Variants in TRRAP observed in about 807,000 individuals in gnomAD.
TRRAP encodes the protein transformation/transcription domain-associated protein.
In TRRAP, 41 loss-of-function variants were observed where a neutral mutation model predicts 438.8. The observed-to-expected ratio is 0.09, with a 90% CI of 0.07 to 0.12. The LOEUF (loss-of-function observed/expected upper bound fraction) is 0.12. TRRAP is among the 10% of genes least tolerant of loss of function. TRRAP has a pLI of 1.00. For missense variants in TRRAP, 3,122 were observed against 5,055.1 expected (o/e 0.62, Z 11.60); for synonymous variants, 1,994 against 1,962.9 (o/e 1.02, Z -0.42).
At position 98,970,139 on chromosome 7, in the gene TRRAP, A is replaced by C. The variant is rs1584376018; in HGVS notation, c.7540A>C (p.Thr2514Pro). Reference protein sequence around the residue: ...ELLLAVCEKSTPIGTSCQGAM... With the variant: ...ELLLAVCEKSPPIGTSCQGAM... ...GCTTCTGGCCGTGTGTGAGAAGAGC[A>C]CCCCCATTGGCACCAGCTGCCAAGG... Residue 2514 changes from threonine to proline, a missense_variant, in exon 52 of 73, where the codon ACC becomes CCC. By Grantham distance (38) the Thr-to-Pro change is conservative. This residue lies in a region of TRRAP where 992 missense variants were observed against 1,281.2 expected (regional missense o/e 0.77). Coordinates refer to ENST00000456197, the MANE Select transcript of TRRAP (RefSeq NM_001375524.1). 6.2e-7 allele frequency: 1 copy of C among 1,613,416 alleles called. No homozygotes were observed. Among genetic ancestry groups the C allele is most frequent in the Non-Finnish European group, 8.5e-7 (1 of 1,179,910 alleles).
Position 98,917,568 on chromosome 7 carries a change from G to A in TRRAP, c.2511G>A (p.Gly837=). The A allele has an allele frequency of 1.2e-6, 2 of 1,614,196 alleles. No individual in the cohort carries two copies. Among genetic ancestry groups the A allele is most frequent in the Middle Eastern group, 1.6e-4 (1 of 6,062 alleles). ...ATCCCTTGGTGTCTGCACTCAATGG[G>A]TCTCAGACATTGGTCAGCCAAGGCC... ...LMDPLVSALN[G]SQTLVSQGLR... Residue 837 remains glycine, a synonymous_variant, in exon 20 of 73, where the codon GGG becomes GGA. Coordinates refer to ENST00000456197, the MANE Select transcript of TRRAP (RefSeq NM_001375524.1).
chr7:98,981,753 G>A lies in TRRAP; in HGVS notation c.8635-16G>A, dbSNP rs768914658. 13 of 1,592,808 alleles carry A rather than the reference G, an allele frequency of 8.2e-6. No individual in the cohort carries two copies. The highest frequency in any genetic ancestry group is 2.3e-5 in the South Asian group (2 of 87,146). ...GAAGGCCCCTCACGTCCTGTGTCACGTTCTTTCACTGCCAGGTGGAAGTGA... is the reference window on the plus strand; with the variant it reads ...GAAGGCCCCTCACGTCCTGTGTCACATTCTTTCACTGCCAGGTGGAAGTGA... On this transcript the variant is annotated splice_polypyrimidine_tract_variant and intron_variant, in intron 58 of 72. Coordinates refer to ENST00000456197, the MANE Select transcript of TRRAP (RefSeq NM_001375524.1).
At chr7:98,959,046 A>G (rs1223364967) in intron 44 of TRRAP, among the ~76,000 whole-genome samples, 1 of 152,168 alleles carries the variant, frequency 6.6e-6, no homozygotes, top group African/African-American at 2.4e-5. Context: ...CCTAACCAGT[A>G]GATAATTCCT....
chr7:98,908,743 C>T lies in TRRAP; in HGVS notation c.1131C>T (p.Ser377=). The change falls in exon 14 of 73, where the codon AGC becomes AGT. Residue 377 remains serine, a synonymous_variant. Transcript: ENST00000456197. The surrounding 1 kb of genome is among the most constrained non-coding windows in gnomAD (Gnocchi z 4.1). ...CTGCCCGCAGGCCCCTCGCCTACAG[C>T]ACGCTGGCCGACCTCGTGCACCATG... ...ARETLRPLAY[S]TLADLVHHVR... 1 of 1,553,536 alleles carries T rather than the reference C, an allele frequency of 6.4e-7. No individual in the cohort carries two copies. The highest frequency in any genetic ancestry group is 8.7e-7 in the Non-Finnish European group (1 of 1,149,972).
Position 99,005,225 on chromosome 7 carries a change from G to A in TRRAP, c.10630G>A (p.Val3544Ile). The A allele has an allele frequency of 4.3e-6, 7 of 1,614,166 alleles. No homozygotes were observed. The highest frequency in any genetic ancestry group is 5.9e-6 in the Non-Finnish European group (7 of 1,180,054). ...CAATGGCAAGATCTACCCATACCTCGTCATGAACGACGCCTGCCTCACAGA... is the reference window on the plus strand; with the variant it reads ...CAATGGCAAGATCTACCCATACCTCATCATGAACGACGCCTGCCTCACAGA... ...GHNGKIYPYLVMNDACLTESR... is the reference protein window; with the variant it reads ...GHNGKIYPYLIMNDACLTESR... Residue 3544 changes from valine to isoleucine, a missense_variant, in exon 69 of 73, where the codon GTC becomes ATC. Coordinates refer to ENST00000456197, the MANE Select transcript of TRRAP (RefSeq NM_001375524.1). The surrounding 1 kb of genome is among the most constrained non-coding windows in gnomAD (Gnocchi z 5.1).
At chr7:98,950,377 C>A in intron 38 of TRRAP, 115 bp downstream of exon 38, 3 of 1,234,054 alleles carry the variant, frequency 2.4e-6, no homozygotes, top group Non-Finnish European at 3.4e-6. Context: ...GTAGAGTGAG[C>A]CAGGTGCTGT....
intron 57 of TRRAP, 75 bp downstream of exon 57, chr7:98,978,398 G>A: frequency 7.6e-7 from 1 of 1,319,474 alleles, no homozygotes; most frequent in Non-Finnish European, 1.1e-6. Context: ...ACCTTTTCTT[G>A]TAATGAGCGT....
rs1264071582 is a variant in TRRAP, at chr7:98,983,311, A to G, written c.8874A>G (p.Ala2958=). The G allele has an allele frequency of 1.2e-6, 2 of 1,614,042 alleles. No individual in the cohort carries two copies. The highest frequency in any genetic ancestry group is 1.7e-6 in the Non-Finnish European group (2 of 1,180,012). ...IELQEAAQIN[A]GLQPTNLGRN... ...TCCAGGAAGCTGCACAAATCAACGC[A>G]GGCTTACAGCCAACCAACCTGGGAA... Residue 2958 remains alanine (A), a synonymous_variant, in exon 60 of 73, where the codon GCA becomes GCG. Transcript: ENST00000456197.
At chr7:98,895,585 A>G (rs1796160662) in intron 6 of TRRAP, among the ~76,000 whole-genome samples, 179 bp from the exon 7 acceptor site, 1 of 152,018 alleles carries the variant, frequency 6.6e-6, no homozygotes, top group South Asian at 2.1e-4. Context: ...TCAGTCCTTT[A>G]TATTTACTTA....
intron 19 of TRRAP, among the ~76,000 whole-genome samples, chr7:98,916,288 G>A (rs142397616): frequency 8.5e-5 from 13 of 152,358 alleles, no homozygotes; most frequent in African/African-American, 2.9e-4. Context: ...AGTTGAGACA[G>A]AGTTGACTTA....
intron 4 of TRRAP, among the ~76,000 whole-genome samples, chr7:98,890,661 A>T (rs534008247): frequency 6.6e-6 from 1 of 152,112 alleles, no homozygotes; most frequent in Non-Finnish European, 1.5e-5. Context: ...ACATTTGCCA[A>T]CTGATGACAT....
chr7:98,918,586 G>C (rs1331414076), intron 20 of TRRAP, among the ~76,000 whole-genome samples: 1 of 151,870 alleles, frequency 6.6e-6, no homozygotes, highest in South Asian at 2.1e-4. Flanking sequence ...GTTACTATAC[G>C]GCCACCATTG....
In TRRAP at chr7:99,008,579, C is replaced by T; in HGVS notation, c.10938+18C>T. On this transcript the variant is annotated intron_variant, in intron 70 of 72. Transcript: ENST00000456197. ...GCCACCAGGTAGCAGTGGGGCCGGG[C>T]CGGGGGCCGAGCTGCCGCCTGCAGC... 1 of 1,610,986 alleles carries T rather than the reference C, an allele frequency of 6.2e-7. No individual in the cohort carries two copies.
In TRRAP at chr7:98,899,356, G is replaced by A. The variant is rs181630631; in HGVS notation, c.634-66G>A. 2.3e-5 allele frequency: 31 copies of A among 1,332,582 alleles called. No homozygotes were observed. In the East Asian group the frequency reaches 6.9e-4, roughly 30 times the overall value. The allele number at this position is 1,332,582 out of a possible 1,614,324, so 82.5% of individuals were successfully genotyped here. On this transcript the variant is annotated intron_variant, in intron 8 of 72. Coordinates refer to ENST00000456197, the MANE Select transcript of TRRAP (RefSeq NM_001375524.1). ...TCTTTCAGTGGGTGATGCTCAGTGG[G>A]CACTGGTGGGGGCTATTTTAAATGC...
At chr7:99,008,074 G>T (rs1433684740) in intron 69 of TRRAP, among the ~76,000 whole-genome samples, 4 of 151,242 alleles carry the variant, frequency 2.6e-5, no homozygotes, top group African/African-American at 4.9e-5. Flanking sequence ...TCCGCCCACT[G>T]TGGCCTCCCA....
At chr7:98,900,548 A>G (rs1796427204) in intron 10 of TRRAP, 76 bp from the exon 11 acceptor site, 2 of 1,267,044 alleles carry the variant, frequency 1.6e-6, no homozygotes, top group African/African-American at 3.0e-5. Context: ...TGGGTTTAGT[A>G]ATGGTTACAG....
intron 14 of TRRAP, among the ~76,000 whole-genome samples, chr7:98,909,774 A>T (rs1318345865): frequency 3.7e-5 from 4 of 109,198 alleles, no homozygotes; most frequent in African/African-American, 1.4e-4. Context: ...CGGATATGGT[A>T]TTGGGAGTAA....
At position 98,897,925 on chromosome 7, in the gene TRRAP, G is replaced by C. The variant is rs1481392196; in HGVS notation, c.633+59G>C. On this transcript the variant is annotated intron_variant, in intron 8 of 72. Transcript: ENST00000456197. ...CTCCTGTAGTTTCGGATACTGGCCT[G>C]TTAAACCATTTTTTTTTCTCTTAAA... The C allele has an allele frequency of 3.1e-6, 5 of 1,599,012 alleles. No homozygotes were observed. The African/African-American group carries it at 6.8e-5, about 22-fold the overall frequency.
intron 44 of TRRAP, 120 bp from the exon 45 acceptor site, chr7:98,959,224 T>G: frequency 7.3e-7 from 1 of 1,362,104 alleles, no homozygotes; most frequent in African/African-American, 1.4e-5. Flanking sequence ...GAGAGGTGGC[T>G]GTGAGGTGAA....
Sources: allele counts gnomAD v4.1 joint callset (sites outside exome capture counted in the v4.1 genomes callset), GRCh38; gene constraint gnomAD v4.1.1; regional missense constraint gnomAD v4.1.1; non-coding constraint Gnocchi (gnomAD v3.1); transcripts MANE v1.5; gene names NCBI Gene and HGNC (gene_info 2026-07-23, HGNC 2026-07-21).